CYP4X1: variants seen among roughly 807,000 people sequenced by gnomAD.
The protein encoded by CYP4X1 is cytochrome P450 4X1.
CYP4X1 carries 44 observed loss-of-function variants against 57.9 expected under a neutral mutation model. That is an observed-to-expected ratio of 0.76 (90% CI 0.60 to 0.98). The LOEUF (loss-of-function observed/expected upper bound fraction) is 0.98, where lower values mean the gene tolerates loss of function less well. CYP4X1 is among the 50% of genes least tolerant of loss of function. The pLI is 0.00. For synonymous variants in CYP4X1, 227 were observed against 228.6 expected, an observed-to-expected ratio of 0.99 and a Z score of 0.06; for missense variants, 532 against 623.9, an observed-to-expected ratio of 0.85 and a Z score of 1.57.
chr1:46,963,255 T>A, the CYP4X1 span, among the ~76,000 whole-genome samples: 1 of 152,152 alleles, frequency 6.6e-6, no homozygotes, highest in Non-Finnish European at 1.5e-5. Flanking sequence ...CCATTTACAT[T>A]TAAGGTTAAT....
rs1644221411 is a variant in CYP4X1, at chr1:47,039,481, G to A, written c.1022G>A (p.Arg341Lys). The A allele has an allele frequency of 6.2e-7, 1 of 1,613,346 alleles. No individual in the cohort carries two copies. Among genetic ancestry groups the A allele is most frequent in the African/African-American group, 1.3e-5 (1 of 74,972 alleles). The change falls in exon 8 of 12, where the codon AGA becomes AAA. Residue 341 changes from arginine (R) to lysine (K), a missense_variant. Coordinates refer to ENST00000371901, the MANE Select transcript of CYP4X1 (RefSeq NM_178033.2). ...GCTCTGAACCCTGAGCATCAAGAGA[G>A]ATGCCGGGAGGAGGTCAGGGGCATC... is the stretch of plus-strand genomic sequence containing the variant. ...CLALNPEHQE[R>K]CREEVRGILG... is the part of the protein sequence containing the mutation.
intron 4 of CYP4X1, among the ~76,000 whole-genome samples, chr1:47,033,746 C>T (rs556865631): frequency 3.9e-5 from 6 of 152,126 alleles, no homozygotes; most frequent in Non-Finnish European, 8.8e-5. Flanking sequence ...TAAAAAGAAA[C>T]ATTCAATAGA....
chr1:46,965,915 C>A, the CYP4X1 span, among the ~76,000 whole-genome samples: 3 of 152,210 alleles, frequency 2.0e-5, no homozygotes, highest in African/African-American at 7.2e-5. Flanking sequence ...TGATGGAAGC[C>A]CCCACAGGGA....
At chr1:46,999,671 CT>C in the CYP4X1 span, among the ~76,000 whole-genome samples, 2 of 150,934 alleles carry the variant, frequency 1.3e-5, no homozygotes, top group Admixed American at 1.3e-4. Context: ...AATTTGAGAT[CT>C]TTTTATATTT....
Position 47,031,490 on chromosome 1 carries a change from T to A in CYP4X1, c.364+10T>A. The A allele has an allele frequency of 6.2e-7, 1 of 1,614,002 alleles. No individual in the cohort carries two copies. Among genetic ancestry groups the A allele is most frequent in the Non-Finnish European group, 8.5e-7 (1 of 1,179,926 alleles). ...TCACCTCCACTTCTTGGTATGTATG[T>A]GCAAATGAGAGGTATAACCCACTCT... On this transcript the variant is annotated intron_variant, in intron 3 of 11. Coordinates refer to ENST00000371901, the MANE Select transcript of CYP4X1 (RefSeq NM_178033.2).
Position 47,050,128 on chromosome 1 carries a change from C to A in CYP4X1, c.1484C>A (p.Pro495His), listed in dbSNP as rs772854480. The A allele has an allele frequency of 2.4e-5, 38 of 1,613,840 alleles. No homozygotes were observed. The highest frequency in any genetic ancestry group is 3.1e-5 in the Non-Finnish European group (37 of 1,179,984). The change falls in exon 12 of 12, where the codon CCC (proline) becomes CAC (histidine). Residue 495 changes from proline to histidine, a missense_variant. Coordinates refer to ENST00000371901, the MANE Select transcript of CYP4X1 (RefSeq NM_178033.2). ...LTFPNHFILKPKNGMYLHLKK... is the reference protein window; with the variant it reads ...LTFPNHFILKHKNGMYLHLKK... ...TTCCCCAACCATTTTATCCTCAAGCCCAAGAATGGGATGTATTTGCACCTG... is the reference window on the plus strand; with the variant it reads ...TTCCCCAACCATTTTATCCTCAAGCACAAGAATGGGATGTATTTGCACCTG...
chr1:46,999,042 G>A, the CYP4X1 span, among the ~76,000 whole-genome samples: 1 of 151,410 alleles, frequency 6.6e-6, no homozygotes, highest in Non-Finnish European at 1.5e-5. Context: ...GTGTGTGTGT[G>A]TGTGTGTGTG....
At chr1:47,049,797 T>C (rs1256458770) in intron 11 of CYP4X1, among the ~76,000 whole-genome samples, 2 of 152,188 alleles carry the variant, frequency 1.3e-5, no homozygotes, top group African/African-American at 2.4e-5. Flanking sequence ...TGCCGCCTTG[T>C]TATAGGGAAG....
At chr1:47,048,496 G>A (rs1644326356) in intron 9 of CYP4X1, 69 bp from the exon 10 acceptor site, 1 of 1,547,476 alleles carries the variant, frequency 6.5e-7, no homozygotes, top group African/African-American at 1.4e-5. Context: ...CAAAAGTCTT[G>A]TTTAAGAGCA....
rs1166351543 is a variant in CYP4X1, at chr1:47,031,442, A to G, written c.326A>G (p.Lys109Arg). The change falls in exon 3 of 12, where the codon AAG becomes AGG. Residue 109 changes from lysine (K) to arginine (R), a missense_variant. Lys to Arg is a conservative substitution (Grantham distance 26). Transcript: ENST00000371901. The stretch of plus-strand genomic sequence containing the variant: ...CCTCTGCTTGACTCTGCAGATCCCA[A>G]GTCCCAGTACCTGCAGAAATTCTCA... ...AKTLLSRTDPKSQYLQKFSPP... is the reference protein window; with the variant it reads ...AKTLLSRTDPRSQYLQKFSPP... 1 of 1,614,026 alleles carries G rather than the reference A, an allele frequency of 6.2e-7. No homozygotes were observed. Among genetic ancestry groups the G allele is most frequent in the Middle Eastern group, 1.7e-4 (1 of 6,060 alleles).
At chr1:47,003,101 G>C in the CYP4X1 span, 3 of 152,280 alleles carry the variant, frequency 2.0e-5, no homozygotes, top group South Asian at 6.2e-4. Flanking sequence ...TCTTTGGGTA[G>C]ATTCAGAAAT....
the CYP4X1 span, among the ~76,000 whole-genome samples, chr1:47,004,797 A>G: frequency 3.5e-4 from 53 of 152,124 alleles, no homozygotes; most frequent in Non-Finnish European, 7.4e-4. Context: ...TTATCCCTAC[A>G]TGTGGTGCAG....
chr1:46,966,372 A>G, the CYP4X1 span, among the ~76,000 whole-genome samples: 3 of 152,236 alleles, frequency 2.0e-5, no homozygotes, highest in South Asian at 6.2e-4. Context: ...GAGACTCCAC[A>G]CAGCTCTGTG....
the CYP4X1 span, chr1:46,961,625 C>G: frequency 1.6e-6 from 2 of 1,288,722 alleles, no homozygotes; most frequent in African/African-American, 3.0e-5. Context: ...TATGCCTGGG[C>G]AGCTGAAGTT....
chr1:47,013,489 T>G, the CYP4X1 span, among the ~76,000 whole-genome samples: 1 of 152,172 alleles, frequency 6.6e-6, no homozygotes, highest in South Asian at 2.1e-4. Context: ...TTATTCCAGA[T>G]AAGAGTCTAA....
chr1:47,050,897 A>G (rs1351967091), downstream of CYP4X1: 2 of 152,238 alleles, frequency 1.3e-5, no homozygotes, highest in Non-Finnish European at 2.9e-5. Context: ...ATCTAATTAA[A>G]CTAAAGAGCT....
At position 47,050,075 on chromosome 1, in the gene CYP4X1, G is replaced by T; in HGVS notation, c.1431G>T (p.Val477=). The change falls in exon 12 of 12, where the codon GTG becomes GTT. Residue 477 remains valine (V), a synonymous_variant. Coordinates refer to ENST00000371901, the MANE Select transcript of CYP4X1 (RefSeq NM_178033.2). ...CCTTGATTCTGCTCCACTTCAGAGT[G>T]ACTCCAGACCCCACCAGGCCTCTTA... ...TIALILLHFR[V]TPDPTRPLTF... 1 of 1,613,988 alleles carries T rather than the reference G, an allele frequency of 6.2e-7. No homozygotes were observed. Among genetic ancestry groups the T allele is most frequent in the Non-Finnish European group, 8.5e-7 (1 of 1,179,992 alleles).
At chr1:47,048,655 A>G in intron 10 of CYP4X1, 26 bp downstream of exon 10, 1 of 1,594,500 alleles carries the variant, frequency 6.3e-7, no homozygotes, top group Non-Finnish European at 8.5e-7. Context: ...GTACATAAAT[A>G]CTTCCAAGAA....
Position 47,037,050 on chromosome 1 carries a change from A to C in CYP4X1, c.775+879A>C, listed in dbSNP as rs144576145. On this transcript the variant is annotated intron_variant, in intron 6 of 11. Coordinates refer to ENST00000371901, the MANE Select transcript of CYP4X1 (RefSeq NM_178033.2). ...GGCATAAATGGGCATTATAAATAGCAGCAGTTCCCAAGTCTTTCTGCATCA... is the reference window on the plus strand; with the variant it reads ...GGCATAAATGGGCATTATAAATAGCCGCAGTTCCCAAGTCTTTCTGCATCA... 1.6e-3 allele frequency among the ~76,000 whole-genome samples: 246 copies of C among 152,324 alleles called. 1 individual carries two copies. Among genetic ancestry groups the C allele is most frequent in the African/African-American group, 5.7e-3 (236 of 41,572 alleles).
Sources: allele counts gnomAD v4.1 joint callset (sites outside exome capture counted in the v4.1 genomes callset), GRCh38; gene constraint gnomAD v4.1.1; transcripts MANE v1.5; gene names NCBI Gene and HGNC (gene_info 2026-07-23, HGNC 2026-07-21).